PIEZO2: variants seen among roughly 807,000 people sequenced by gnomAD.
The protein encoded by PIEZO2 is piezo-type mechanosensitive ion channel component 2.
A neutral mutation model predicts 337.3 loss-of-function variants in PIEZO2; 172 were observed. That is an observed-to-expected ratio of 0.51 (90% CI 0.45 to 0.58). PIEZO2 has a LOEUF of 0.58. Among genes scored for constraint, PIEZO2 ranks in the 20% least tolerant of loss-of-function variants. PIEZO2 has a pLI of 0.00. For synonymous variants in PIEZO2, 1,251 were observed against 1,228.5 expected, an observed-to-expected ratio of 1.02 and a Z score of -0.38; for missense variants, 3,028 against 3,391.3, an observed-to-expected ratio of 0.89 and a Z score of 2.66.
At chr18:10,808,392 T>G (rs1172109767) in intron 7 of PIEZO2, among the ~76,000 whole-genome samples, 2 of 58,680 alleles carry the variant, frequency 3.4e-5, no homozygotes, top group African/African-American at 1.2e-4. Flanking sequence ...GCACCCAGCC[T>G]GTTTGCACTT....
In PIEZO2 at chr18:11,077,390, G is replaced by GGT. The variant is rs949878924; in HGVS notation, c.65-11170_65-11169dup. Among the ~76,000 whole-genome samples, 1 of 152,188 alleles carries GGT rather than the reference G, an allele frequency of 6.6e-6. No homozygotes were observed. The highest frequency in any genetic ancestry group is 2.4e-5 in the African/African-American group (1 of 41,444). On this transcript the variant is annotated intron_variant, in intron 1 of 55. Coordinates refer to ENST00000674853, the MANE Select transcript of PIEZO2 (RefSeq NM_001378183.1). The surrounding 1 kb of genome is among the most constrained non-coding windows in gnomAD (Gnocchi z 4.8). ...GATTTAGAAATCACTAATCAGGCCAGGTGTGGTGGCTCATGCCTACAATCC... is the reference window on the plus strand; with the variant it reads ...GATTTAGAAATCACTAATCAGGCCAGGTGTGTGGTGGCTCATGCCTACAATCC...
Position 11,111,954 on chromosome 18 carries a change from A to G in PIEZO2, c.64+36571T>C, listed in dbSNP as rs1158071279. On this transcript the variant is annotated intron_variant, in intron 1 of 55. Transcript: ENST00000674853. This position sits in a 1 kb window ranked among gnomAD's most constrained non-coding sequence, Gnocchi z 6.2. ...ACGATCTTCTGCAGGCCACTTCATG[A>G]GTCCCCTTGAATCCTCTGAGGTTCT... is the stretch of plus-strand genomic sequence containing the variant. Among the ~76,000 whole-genome samples, 1 of 152,218 alleles carries G rather than the reference A, an allele frequency of 6.6e-6. No individual in the cohort carries two copies. The highest frequency in any genetic ancestry group is 2.4e-5 in the African/African-American group (1 of 41,458).
rs1287621103 is a variant in PIEZO2 at position 10,773,517 on chromosome 18, C to T, written c.2680G>A (p.Gly894Ser). The change falls in exon 20 of 56, where the codon GGC (glycine) becomes AGC (serine). Residue 894 changes from glycine (G) to serine (S), a missense_variant. Coordinates refer to ENST00000674853, the MANE Select transcript of PIEZO2 (RefSeq NM_001378183.1). This position sits in a 1 kb window ranked among gnomAD's most constrained non-coding sequence, Gnocchi z 5.3. ...LAEPGEEKLE[G>S]YSEKAQKGDL... is the part of the protein sequence containing the mutation. ...CCCTTCTGGGCTTTTTCAGAGTAGC[C>T]CTCAAGCTTCTCCTCCCCAGGCTCA... is the stretch of plus-strand genomic sequence containing the variant. 5 of 1,537,480 alleles carry T rather than the reference C, an allele frequency of 3.3e-6. No homozygotes were observed. The highest frequency in any genetic ancestry group is 1.7e-4 in the Middle Eastern group (1 of 5,992).
At chr18:11,066,789 G>A (rs550792693) in intron 1 of PIEZO2, among the ~76,000 whole-genome samples, 92 of 152,228 alleles carry the variant, frequency 6.0e-4, no homozygotes, top group Non-Finnish European at 1.1e-3. Flanking sequence ...TAGTAGAGAC[G>A]GGGTTTCGCC....
In PIEZO2 at chr18:10,919,316, C is replaced by T. The variant is rs1345954811; in HGVS notation, c.287-8088G>A. Among the ~76,000 whole-genome samples, 2 of 152,032 alleles carry T rather than the reference C, an allele frequency of 1.3e-5. 1 individual carries two copies. Among genetic ancestry groups the T allele is most frequent in the Non-Finnish European group, 2.9e-5 (2 of 68,022 alleles). ...GTTCAAAATTTCATATACTAACTTC[C>T]CCGAATAGAACTGATGAATGTTTAT... On this transcript the variant is annotated intron_variant, in intron 3 of 55. Transcript: ENST00000674853.
chr18:11,041,923 C>T (rs942639255), intron 2 of PIEZO2, among the ~76,000 whole-genome samples: 3 of 152,302 alleles, frequency 2.0e-5, no homozygotes, highest in Non-Finnish European at 4.4e-5. Flanking sequence ...GACAGTGACT[C>T]TTCTCCATGA....
intron 2 of PIEZO2, among the ~76,000 whole-genome samples, chr18:11,025,082 G>A (rs902815445): frequency 1.3e-5 from 2 of 152,058 alleles, no homozygotes; most frequent in South Asian, 4.1e-4. Context: ...GGGGTGGAGT[G>A]CACTGATTAG....
Position 10,672,562 on chromosome 18 carries a change from A to ATCCT in PIEZO2, c.8345+127_8345+128insAGGA. The ATCCT allele has an allele frequency of 1.8e-5, 18 of 984,034 alleles. No homozygotes were observed. The highest frequency in any genetic ancestry group is 3.2e-5 in the South Asian group (2 of 61,944). The allele number at this position is 984,034 out of a possible 1,614,324, so 61.0% of individuals were successfully genotyped here. A position where few individuals can be genotyped will look rare whatever the true frequency, so the allele number is the denominator to read the frequency against. ...TTTTTGAAATAAAATGCACACAAGG[A>ATCCT]TGTGTGCATTTTAATACTGCAGCTC... On this transcript the variant is annotated intron_variant, in intron 55 of 55. Transcript: ENST00000674853. The surrounding 1 kb of genome is among the most constrained non-coding windows in gnomAD (Gnocchi z 4.7).
At position 10,691,359 on chromosome 18, in the gene PIEZO2, G is replaced by A. The variant is rs3748421; in HGVS notation, c.7215C>T (p.Ala2405=). Reference sequence around the variant, plus strand: ...CACATTTCACAAAGTACCAAAGCTGGGCAACCAGGTTCTGGCTGAATTTCC... The same window carrying A: ...CACATTTCACAAAGTACCAAAGCTGAGCAACCAGGTTCTGGCTGAATTTCC... ...TERKFSQNLV[A]QLWYFVKCVY... Residue 2405 remains alanine, a synonymous_variant, in exon 48 of 56, where the codon GCC becomes GCT. Coordinates refer to ENST00000674853, the MANE Select transcript of PIEZO2 (RefSeq NM_001378183.1). 0.32 allele frequency: 522,477 copies of A among 1,610,936 alleles called. 88,549 individuals are homozygous for A. Among genetic ancestry groups the A allele is most frequent in the Non-Finnish European group, 0.35 (417,601 of 1,178,488 alleles).
chr18:10,903,841 T>G lies in PIEZO2; in HGVS notation c.329+7345A>C, dbSNP rs1025098546. Among the ~76,000 whole-genome samples the G allele has an allele frequency of 1.3e-5, 2 of 152,202 alleles. No individual in the cohort carries two copies. Among genetic ancestry groups the G allele is most frequent in the Non-Finnish European group, 2.9e-5 (2 of 68,038 alleles). ...GCCATTCTTCAAAACTCTGCCCAGA[T>G]GTTCCCTGAAGTTAAGCTTTCACAG... On this transcript the variant is annotated intron_variant, in intron 4 of 55. Transcript: ENST00000674853. This position sits in a 1 kb window ranked among gnomAD's most constrained non-coding sequence, Gnocchi z 4.1.
rs112971633 is a variant in PIEZO2, at chr18:10,932,155, A to G, written c.287-20927T>C. 9.7e-3 allele frequency among the ~76,000 whole-genome samples: 1,473 copies of G among 152,360 alleles called. 38 individuals are homozygous for G. Among genetic ancestry groups the G allele is most frequent in the African/African-American group, 0.033 (1,364 of 41,588 alleles). On this transcript the variant is annotated intron_variant, in intron 3 of 55. Coordinates refer to ENST00000674853, the MANE Select transcript of PIEZO2 (RefSeq NM_001378183.1). Reference sequence around the variant, plus strand: ...ACAATATCATATGACTAAACATACTATATAAGCACAACACTTTTTTGAGAG... The same window carrying G: ...ACAATATCATATGACTAAACATACTGTATAAGCACAACACTTTTTTGAGAG...
chr18:10,797,544 TTAAC>T, intron 11 of PIEZO2, 22 bp from the exon 12 acceptor site: 1 of 1,535,358 alleles, frequency 6.5e-7, no homozygotes, highest in Non-Finnish European at 8.7e-7. Context: ...AATACTTTAT[TTAAC>T]TATTTATGCA....
chr18:10,809,260 C>CTCTTTTTTTTTT (rs1173120936), intron 7 of PIEZO2, among the ~76,000 whole-genome samples: 2 of 65,804 alleles, frequency 3.0e-5, no homozygotes, highest in Admixed American at 2.2e-4. Context: ...CTCTCTCTCT[C>CTCTTTTTTTTTT]TTTTTTTTTT....
Position 10,752,828 on chromosome 18 carries a change from A to G in PIEZO2, c.3975T>C (p.Phe1325=). Residue 1325 remains phenylalanine, a synonymous_variant, in exon 28 of 56, where the codon TTT becomes TTC. Coordinates refer to ENST00000674853, the MANE Select transcript of PIEZO2 (RefSeq NM_001378183.1). ...KVIIFSYLFW[F]VLTIIFITGT... ...CAGTGATGAAGATGATGGTGAGCAC[A>G]AACCAGAAGAGGTAGCTGAAGATGA... 1 of 1,537,190 alleles carries G rather than the reference A, an allele frequency of 6.5e-7. No individual in the cohort carries two copies. Among genetic ancestry groups the G allele is most frequent in the Non-Finnish European group, 8.7e-7 (1 of 1,146,908 alleles).
intron 2 of PIEZO2, among the ~76,000 whole-genome samples, chr18:11,065,821 T>C (rs765167092): frequency 6.6e-6 from 1 of 152,218 alleles, no homozygotes; most frequent in Non-Finnish European, 1.5e-5. Flanking sequence ...ATTTGTCTTA[T>C]TTTATTGACA....
At position 10,759,148 on chromosome 18, in the gene PIEZO2, C is replaced by T. The variant is rs1305213585; in HGVS notation, c.3757+334G>A. 6.6e-6 allele frequency among the ~76,000 whole-genome samples: 1 copy of T among 151,942 alleles called. No homozygotes were observed. Among genetic ancestry groups the T allele is most frequent in the South Asian group, 2.1e-4 (1 of 4,808 alleles). Reference sequence around the variant, plus strand: ...CACTGGGAGCCAGAAACCACCAAGTCAGAAAACACAAAAGCCTTCCTCTCT... The same window carrying T: ...CACTGGGAGCCAGAAACCACCAAGTTAGAAAACACAAAAGCCTTCCTCTCT... On this transcript the variant is annotated intron_variant, in intron 26 of 55. Coordinates refer to ENST00000674853, the MANE Select transcript of PIEZO2 (RefSeq NM_001378183.1). This position sits in a 1 kb window ranked among gnomAD's most constrained non-coding sequence, Gnocchi z 5.5.
rs1568412608 is a variant in PIEZO2, at chr18:11,143,625, A to ACTCTCTCTCT, written c.64+4899_64+4900insAGAGAGAGAG. ...AACACACACACACACACACACACAC[A>ACTCTCTCTCT]CACACACACACACACTCTCTCTCTC... On this transcript the variant is annotated intron_variant, in intron 1 of 55. Coordinates refer to ENST00000674853, the MANE Select transcript of PIEZO2 (RefSeq NM_001378183.1). This position sits in a 1 kb window ranked among gnomAD's most constrained non-coding sequence, Gnocchi z 4.9. 1.1e-4 allele frequency among the ~76,000 whole-genome samples: 15 copies of ACTCTCTCTCT among 140,952 alleles called. No homozygotes were observed. The highest frequency in any genetic ancestry group is 3.6e-4 in the African/African-American group (13 of 35,820). 92.5% of individuals were successfully genotyped at this position (140,952 alleles called of 152,430 possible). A position where few individuals can be genotyped will look rare whatever the true frequency, so the allele number is the denominator to read the frequency against.
chr18:10,709,570 G>A (rs1054255438), intron 39 of PIEZO2: 1 of 152,284 alleles, frequency 6.6e-6, no homozygotes, highest in African/African-American at 2.4e-5. Context: ...AGAGTACTAG[G>A]TGCCTGGCCT....
chr18:10,809,761 A>T (rs979536678), intron 7 of PIEZO2, among the ~76,000 whole-genome samples: 15 of 152,146 alleles, frequency 9.9e-5, no homozygotes, highest in African/African-American at 3.6e-4. Context: ...TCACAGTACA[A>T]AGAAACTGAT....
Sources: gnomAD v4.1 joint callset for allele counts (sites outside exome capture counted in the v4.1 genomes callset) on GRCh38, gnomAD v4.1.1 for gene constraint, Gnocchi (gnomAD v3.1) non-coding constraint, MANE v1.5 for transcripts, NCBI Gene and HGNC (gene_info 2026-07-23, HGNC 2026-07-21) for gene names.